The following CDH12 variants were observed in gnomAD, a reference collection of about 807,000 sequenced individuals.
CDH12 encodes cadherin 12, also known as cadherin-12.
Under a neutral mutation model 74.1 loss-of-function variants are expected in CDH12, and 41 were observed. That is an observed-to-expected ratio of 0.55 (90% CI 0.43 to 0.72). CDH12 has a LOEUF of 0.72. CDH12 is among the 30% of genes least tolerant of loss of function. The pLI, the probability that CDH12 is intolerant of heterozygous loss-of-function variation, is 0.00. For synonymous variants in CDH12, 399 were observed against 355.0 expected, an observed-to-expected ratio of 1.12 and a Z score of -1.39; for missense variants, 945 against 977.2, an observed-to-expected ratio of 0.97 and a Z score of 0.44.
At chr5:22,807,451 C>T (rs1393718513) in intron 1 of CDH12, among the ~76,000 whole-genome samples, 1 of 152,124 alleles carries the variant, frequency 6.6e-6, no homozygotes, top group Non-Finnish European at 1.5e-5. Flanking sequence ...TCATAAACTA[C>T]ATGTTTAAAT....
intron 5 of CDH12, among the ~76,000 whole-genome samples, chr5:22,073,449 T>C (rs554296801): frequency 2.0e-5 from 3 of 152,318 alleles, no homozygotes; most frequent in Admixed American, 2.0e-4. Flanking sequence ...TAAATCATGT[T>C]GGTGTGTGTA....
At chr5:21,950,840 C>A (rs1353264238) in intron 6 of CDH12, among the ~76,000 whole-genome samples, 1 of 150,012 alleles carries the variant, frequency 6.7e-6, no homozygotes, top group Non-Finnish European at 1.5e-5. Flanking sequence ...GGCTGGAGTG[C>A]AGTGGAGCAA....
chr5:22,754,555 A>G (rs1745780631), intron 1 of CDH12, among the ~76,000 whole-genome samples: 1 of 115,984 alleles, frequency 8.6e-6, no homozygotes, highest in Admixed American at 9.7e-5. Flanking sequence ...AGAGGGAAGG[A>G]AGTGGAAAGC....
At chr5:22,797,698 T>C (rs1348212857) in intron 1 of CDH12, among the ~76,000 whole-genome samples, 1 of 152,206 alleles carries the variant, frequency 6.6e-6, no homozygotes, top group Non-Finnish European at 1.5e-5. Flanking sequence ...CCCTTTGCCT[T>C]AACTATTAGA....
chr5:21,992,173 T>C (rs1757782831), intron 5 of CDH12, among the ~76,000 whole-genome samples: 1 of 151,466 alleles, frequency 6.6e-6, no homozygotes, highest in South Asian at 2.1e-4. Flanking sequence ...CCCAAGAAAC[T>C]GCCAAAGAGA....
chr5:21,788,675 C>A (rs1201555780), intron 10 of CDH12, among the ~76,000 whole-genome samples: 1 of 152,060 alleles, frequency 6.6e-6, no homozygotes, highest in Admixed American at 6.6e-5. Flanking sequence ...CTTTCACTTA[C>A]ACTTATTATG....
intron 6 of CDH12, among the ~76,000 whole-genome samples, chr5:21,954,171 A>AT (rs1233172855): frequency 2.0e-5 from 3 of 152,082 alleles, no homozygotes; most frequent in Non-Finnish European, 4.4e-5. Context: ...CATTGCTATA[A>AT]TTTTGGTCAT....
intron 6 of CDH12, among the ~76,000 whole-genome samples, chr5:21,872,137 T>C (rs2150020227): frequency 6.6e-6 from 1 of 152,252 alleles, no homozygotes; most frequent in Admixed American, 6.5e-5. Context: ...ATTTGGTTTT[T>C]CTCTGCTTAA....
chr5:22,511,630 G>A lies in CDH12; in HGVS notation c.-522-6266C>T, dbSNP rs549875188. ...AGTGATGGAAGCTCTCAATCATATC[G>A]TGGGTTGGTAATCCACATGGACACA... On this transcript the variant is annotated intron_variant, in intron 1 of 14. Transcript: ENST00000382254. Among the ~76,000 whole-genome samples, 121 of 152,228 alleles carry A rather than the reference G, an allele frequency of 7.9e-4. 1 individual carries two copies. Among genetic ancestry groups the A allele is most frequent in the African/African-American group, 2.8e-3 (115 of 41,542 alleles).
At chr5:22,712,126 A>C (rs1743321438) in intron 1 of CDH12, among the ~76,000 whole-genome samples, 1 of 152,046 alleles carries the variant, frequency 6.6e-6, no homozygotes, top group Non-Finnish European at 1.5e-5. Flanking sequence ...AGGTATCGTT[A>C]TACCTATAAC....
Position 22,405,295 on chromosome 5 carries a change from A to G in CDH12, c.-371T>C. 3 of 979,828 alleles carry G rather than the reference A, an allele frequency of 3.1e-6. No homozygotes were observed. The highest frequency in any genetic ancestry group is 3.6e-6 in the Non-Finnish European group (3 of 824,798). The allele number at this position is 979,828 out of a possible 1,614,324, so 60.7% of individuals were successfully genotyped here. A position where few individuals can be genotyped will look rare whatever the true frequency, so the allele number is the denominator to read the frequency against. ...TTTATTTTCTAAGGCCAGCTTATGTATCTCAAATTGTTTTGACCTCCACAG... is the reference window on the plus strand; with the variant it reads ...TTTATTTTCTAAGGCCAGCTTATGTGTCTCAAATTGTTTTGACCTCCACAG... On this transcript the variant is annotated 5_prime_UTR_variant, in exon 3 of 15. Transcript: ENST00000382254.
intron 1 of CDH12, among the ~76,000 whole-genome samples, chr5:22,784,903 T>A (rs962096311): frequency 1.3e-5 from 2 of 152,158 alleles, no homozygotes; most frequent in Non-Finnish European, 2.9e-5. Context: ...TAAGTTTAAA[T>A]AAACTTAAAA....
At chr5:22,424,002 C>CAG (rs1743776247) in intron 2 of CDH12, among the ~76,000 whole-genome samples, 1 of 31,226 alleles carries the variant, frequency 3.2e-5, no homozygotes, top group African/African-American at 1.0e-4. Flanking sequence ...GACTCTGTCT[C>CAG]AAAAAAAAAA....
At position 21,750,730 on chromosome 5, in the gene CDH12, T is replaced by C. The variant is rs1272248817; in HGVS notation, c.*1007A>G. ...TAAGAAACTCTGAGAAACTGTATAA[T>C]GAATTTCTCTTTCCATGCTTAAATG... On this transcript the variant is annotated 3_prime_UTR_variant, in exon 15 of 15. Coordinates refer to ENST00000382254, the MANE Select transcript of CDH12 (RefSeq NM_004061.5). 6.6e-6 allele frequency: 1 copy of C among 152,284 alleles called. No homozygotes were observed. Among genetic ancestry groups the C allele is most frequent in the East Asian group, 1.9e-4 (1 of 5,186 alleles). The allele number at this position is 152,284 out of a possible 1,614,324, so 9.4% of individuals were successfully genotyped here.
intron 6 of CDH12, among the ~76,000 whole-genome samples, chr5:21,894,253 C>A (rs1026358576): frequency 1.3e-5 from 2 of 151,912 alleles, no homozygotes; most frequent in Admixed American, 6.6e-5. Flanking sequence ...GTGGCATGAG[C>A]CTGTAGTCCC....
chr5:22,663,113 C>A (rs1317736192), intron 1 of CDH12, among the ~76,000 whole-genome samples: 4 of 152,094 alleles, frequency 2.6e-5, no homozygotes, highest in Non-Finnish European at 5.9e-5. Flanking sequence ...AATATATGCT[C>A]ATTTCAACTT....
intron 6 of CDH12, chr5:21,883,063 A>C (rs1433017814): frequency 1.9e-6 from 3 of 1,610,582 alleles, no homozygotes; most frequent in Non-Finnish European, 2.5e-6. Context: ...CTTAAAAAGC[A>C]GTCTAAACCT....
chr5:22,266,014 G>A lies in CDH12; in HGVS notation c.-332-53371C>T, dbSNP rs115317287. 3.6e-3 allele frequency among the ~76,000 whole-genome samples: 543 copies of A among 151,342 alleles called. 2 individuals are homozygous for A. The highest frequency in any genetic ancestry group is 0.012 in the African/African-American group (479 of 41,258). ...ACATCTCCCATTAAATATGTGTGAT[G>A]CCTAACTGCCAAAAGCTTTGTTGAT... On this transcript the variant is annotated intron_variant, in intron 3 of 14. Coordinates refer to ENST00000382254, the MANE Select transcript of CDH12 (RefSeq NM_004061.5).
At chr5:22,825,890 C>T (rs780064060) in intron 1 of CDH12, among the ~76,000 whole-genome samples, 1 of 152,138 alleles carries the variant, frequency 6.6e-6, no homozygotes, top group Non-Finnish European at 1.5e-5. Context: ...TAACTTGAGT[C>T]AGTGTAGATG....
Sources: gnomAD v4.1 joint callset for allele counts (sites outside exome capture counted in the v4.1 genomes callset) on GRCh38, gnomAD v4.1.1 for gene constraint, MANE v1.5 for transcripts, NCBI Gene and HGNC (gene_info 2026-07-23, HGNC 2026-07-21) for gene names.